KIAA0825: variants seen among roughly 807,000 people sequenced by gnomAD.
KIAA0825 encodes KIAA0825, also known as uncharacterized protein KIAA0825.
Under a neutral mutation model 147.6 loss-of-function variants are expected in KIAA0825, and 119 were observed. The ratio of observed to expected loss-of-function variants is 0.81; its 90% confidence interval spans 0.69 to 0.94. The LOEUF (loss-of-function observed/expected upper bound fraction) is 0.94, where lower values mean the gene tolerates loss of function less well. Among genes scored for constraint, KIAA0825 ranks in the 40% least tolerant of loss-of-function variants. The pLI is 0.00. For missense variants in KIAA0825, 1,381 were observed against 1,472.7 expected, an observed-to-expected ratio of 0.94 and a Z score of 1.02; for synonymous variants, 470 against 518.1, an observed-to-expected ratio of 0.91 and a Z score of 1.26.
At chr5:94,406,840 A>G (rs1377152673) in intron 15 of KIAA0825, among the ~76,000 whole-genome samples, 1 of 152,160 alleles carries the variant, frequency 6.6e-6, no homozygotes, top group Non-Finnish European at 1.5e-5. Flanking sequence ...CTTTTGACCT[A>G]TACACAACGT....
intron 10 of KIAA0825, among the ~76,000 whole-genome samples, chr5:94,465,265 C>T (rs1181836340): frequency 6.6e-6 from 1 of 152,210 alleles, no homozygotes; most frequent in East Asian, 1.9e-4. Context: ...TATTCTAGTG[C>T]AAATCCAGAT....
rs185762640 is a variant in KIAA0825, at chr5:94,594,561, C to T, written c.-152-11978G>A. On this transcript the variant is annotated intron_variant, in intron 1 of 20. Transcript: ENST00000682413. The stretch of plus-strand genomic sequence containing the variant: ...AAATACTGAAATAGTTGGATCAAGG[C>T]TGCCACCAGGAGCTGAAAGGATTGC... 5.7e-5 allele frequency: 42 copies of T among 738,238 alleles called. 1 individual carries two copies. Among genetic ancestry groups the T allele is most frequent in the African/African-American group, 2.9e-4 (17 of 57,748 alleles). The allele number at this position is 738,238 out of a possible 1,614,324, so 45.7% of individuals were successfully genotyped here.
chr5:94,302,728 G>A (rs1409050254), intron 20 of KIAA0825, among the ~76,000 whole-genome samples: 3 of 152,002 alleles, frequency 2.0e-5, no homozygotes, highest in Admixed American at 2.0e-4. Flanking sequence ...GTAATGGGTT[G>A]TCTCCTCTTG....
intron 2 of KIAA0825, among the ~76,000 whole-genome samples, chr5:94,562,530 A>G (rs561755437): frequency 1.3e-5 from 2 of 152,328 alleles, no homozygotes; most frequent in African/African-American, 4.8e-5. Flanking sequence ...GTCAAACCAC[A>G]AACAGTTCAA....
At chr5:94,448,591 A>G (rs1758013633) in intron 13 of KIAA0825, among the ~76,000 whole-genome samples, 1 of 152,152 alleles carries the variant, frequency 6.6e-6, no homozygotes, top group African/African-American at 2.4e-5. Flanking sequence ...TTCCTTCATG[A>G]TATTAACTAT....
chr5:94,162,851 G>A (rs935454762), intron 20 of KIAA0825, among the ~76,000 whole-genome samples: 1 of 152,162 alleles, frequency 6.6e-6, no homozygotes, highest in African/African-American at 2.4e-5. Flanking sequence ...GATATCTGTT[G>A]ATTGGTATGT....
chr5:94,604,385 C>G (rs868592336), intron 1 of KIAA0825, among the ~76,000 whole-genome samples: 3 of 152,106 alleles, frequency 2.0e-5, no homozygotes, highest in South Asian at 4.1e-4. Flanking sequence ...ATGGCGAAAC[C>G]CTGTCTCTAG....
At chr5:94,246,661 A>G (rs559962706) in intron 20 of KIAA0825, among the ~76,000 whole-genome samples, 1 of 152,332 alleles carries the variant, frequency 6.6e-6, no homozygotes, top group Non-Finnish European at 1.5e-5. Context: ...TATAATGCAT[A>G]CATAGAGCAG....
intron 20 of KIAA0825, among the ~76,000 whole-genome samples, chr5:94,296,884 T>A (rs1778162819): frequency 6.6e-6 from 1 of 152,122 alleles, no homozygotes; most frequent in Non-Finnish European, 1.5e-5. Flanking sequence ...ATTAATAACA[T>A]CCACAAAAAC....
chr5:94,159,654 A>T (rs1412907046), intron 20 of KIAA0825, among the ~76,000 whole-genome samples: 2 of 151,942 alleles, frequency 1.3e-5, no homozygotes, highest in African/African-American at 2.4e-5. Context: ...CTTGTTTTTC[A>T]TGAGGGAAAT....
chr5:94,461,484 C>T (rs1183163923), intron 12 of KIAA0825, among the ~76,000 whole-genome samples: 1 of 151,842 alleles, frequency 6.6e-6, no homozygotes, highest in Non-Finnish European at 1.5e-5. Context: ...AGTTTCTTCC[C>T]CTTTCTGAAA....
chr5:94,159,135 C>T (rs1414220888), intron 20 of KIAA0825, among the ~76,000 whole-genome samples: 1 of 152,108 alleles, frequency 6.6e-6, no homozygotes, highest in Non-Finnish European at 1.5e-5. Context: ...GCAGCTTCAG[C>T]CTTCCTGTCC....
intron 20 of KIAA0825, among the ~76,000 whole-genome samples, chr5:94,207,883 A>G (rs1166497539): frequency 6.6e-6 from 1 of 152,144 alleles, no homozygotes. Context: ...TTTATGCTAT[A>G]TTGGGATATA....
chr5:94,241,338 T>G (rs1775333645), intron 20 of KIAA0825, among the ~76,000 whole-genome samples: 1 of 152,244 alleles, frequency 6.6e-6, no homozygotes, highest in Non-Finnish European at 1.5e-5. Flanking sequence ...GCTTCCATAC[T>G]GGACTGTTTT....
chr5:94,376,634 A>C (rs1337240809), intron 20 of KIAA0825, among the ~76,000 whole-genome samples: 3 of 151,938 alleles, frequency 2.0e-5, no homozygotes, highest in African/African-American at 7.3e-5. Flanking sequence ...ACAAACAAAC[A>C]AACCATGCTG....
intron 2 of KIAA0825, among the ~76,000 whole-genome samples, chr5:94,561,468 A>C (rs1329330137): frequency 6.6e-6 from 1 of 152,228 alleles, no homozygotes; most frequent in Non-Finnish European, 1.5e-5. Context: ...TGGGAAACCC[A>C]CCTGCAGCTG....
At chr5:94,198,102 G>A (rs911159083) in intron 20 of KIAA0825, among the ~76,000 whole-genome samples, 3 of 152,110 alleles carry the variant, frequency 2.0e-5, no homozygotes, top group African/African-American at 7.2e-5. Context: ...TAATAAGCAT[G>A]GAATGTTTTT....
intron 6 of KIAA0825, among the ~76,000 whole-genome samples, chr5:94,480,609 A>G (rs1405241798): frequency 6.6e-6 from 1 of 152,042 alleles, no homozygotes; most frequent in Non-Finnish European, 1.5e-5. Flanking sequence ...TTACGGAAAA[A>G]GTTAATTATC....
chr5:94,341,863 A>G (rs772485278), intron 20 of KIAA0825, among the ~76,000 whole-genome samples: 10 of 152,186 alleles, frequency 6.6e-5, no homozygotes, highest in Non-Finnish European at 1.2e-4. Flanking sequence ...TATATATACT[A>G]TACTGAGGGA....
Sources: allele counts gnomAD v4.1 joint callset (sites outside exome capture counted in the v4.1 genomes callset), GRCh38; gene constraint gnomAD v4.1.1; transcripts MANE v1.5; gene names NCBI Gene and HGNC (gene_info 2026-07-23, HGNC 2026-07-21).